Variants in AUTS2 observed in about 807,000 individuals in gnomAD.
AUTS2 encodes activator of transcription and developmental regulator AUTS2.
AUTS2 carries 17 observed loss-of-function variants against 112.4 expected under a neutral mutation model. The ratio of observed to expected loss-of-function variants is 0.15; its 90% CI spans 0.10 to 0.23. The LOEUF is 0.23. Ranked by LOEUF, AUTS2 falls within the 10% of genes least tolerant of loss-of-function variation. The pLI, the probability that AUTS2 is intolerant of heterozygous loss-of-function variation, is 1.00. For missense variants in AUTS2, 1,510 were observed against 1,701.6 expected, an observed-to-expected ratio of 0.89 and a Z score of 1.98; for synonymous variants, 751 against 702.7, an observed-to-expected ratio of 1.07 and a Z score of -1.09.
At chr7:69,989,445 C>T (rs1026636785) in intron 2 of AUTS2, among the ~76,000 whole-genome samples, 2 of 151,918 alleles carry the variant, frequency 1.3e-5, no homozygotes, top group Middle Eastern at 3.2e-3. Flanking sequence ...TTTTAGAGCA[C>T]CTATTAGAGA....
chr7:70,184,660 T>G (rs930242736), intron 4 of AUTS2, among the ~76,000 whole-genome samples: 1 of 152,218 alleles, frequency 6.6e-6, no homozygotes, highest in African/African-American at 2.4e-5. Flanking sequence ...TTTTTAGGCT[T>G]CTTCAGCTCT....
At chr7:70,784,758 AAAAAAAAAAAAAAAAC>A in intron 15 of AUTS2, 168 bp from the exon 16 acceptor site, 4 of 439,706 alleles carry the variant, frequency 9.1e-6, no homozygotes, top group East Asian at 5.0e-5. Flanking sequence ...AAAAAAAAAA[AAAAAAAAAAAAAAAAC>A]ACACATTTTC....
intron 11 of AUTS2, among the ~76,000 whole-genome samples, chr7:70,773,395 T>C (rs1790486091): frequency 6.6e-6 from 1 of 152,210 alleles, no homozygotes; most frequent in Non-Finnish European, 1.5e-5. Context: ...ATAAGGTTAA[T>C]ATTAGCAATA....
At chr7:70,091,663 T>C (rs1265421961) in intron 2 of AUTS2, among the ~76,000 whole-genome samples, 1 of 152,188 alleles carries the variant, frequency 6.6e-6, no homozygotes, top group African/African-American at 2.4e-5. Context: ...TTGGCTTTCC[T>C]ACCTCCTGAG....
chr7:70,703,925 G>A (rs1015370911), intron 6 of AUTS2, among the ~76,000 whole-genome samples: 5 of 152,168 alleles, frequency 3.3e-5, no homozygotes, highest in East Asian at 1.9e-4. Flanking sequence ...AAGAGACAAA[G>A]GAGTTATGAG....
chr7:70,491,476 T>TATATATGTTATATACACATA (rs1798232890), intron 5 of AUTS2, among the ~76,000 whole-genome samples: 1 of 147,944 alleles, frequency 6.8e-6, no homozygotes, highest in African/African-American at 2.5e-5. Flanking sequence ...ATACACATAA[T>TATATATGTTATATACACATA]ATATATGTTA....
chr7:70,649,000 A>T (rs1432412866), intron 5 of AUTS2, among the ~76,000 whole-genome samples: 1 of 152,238 alleles, frequency 6.6e-6, no homozygotes, highest in Non-Finnish European at 1.5e-5. Context: ...TAGAGAGTTT[A>T]GATCTGTTTT....
At chr7:70,545,238 G>A (rs1187927874) in intron 5 of AUTS2, among the ~76,000 whole-genome samples, 1 of 152,218 alleles carries the variant, frequency 6.6e-6, no homozygotes, top group Non-Finnish European at 1.5e-5. Flanking sequence ...CCAGACCAGA[G>A]CACAGGTCAA....
chr7:70,616,453 GGCTGATGCA>G (rs977685318), intron 5 of AUTS2, among the ~76,000 whole-genome samples: 1 of 152,164 alleles, frequency 6.6e-6, no homozygotes, highest in African/African-American at 2.4e-5. Flanking sequence ...CAGCTGACGG[GGCTGATGCA>G]GCTGCCCGGT....
chr7:70,167,385 C>G (rs1262914122), intron 4 of AUTS2, among the ~76,000 whole-genome samples: 1 of 151,966 alleles, frequency 6.6e-6, no homozygotes, highest in Non-Finnish European at 1.5e-5. Flanking sequence ...AGAAAAAGGC[C>G]TATGTACACA....
In AUTS2 at chr7:70,219,821, C is replaced by T. The variant is rs1036504906; in HGVS notation, c.660+85250C>T. Among the ~76,000 whole-genome samples the T allele has an allele frequency of 6.6e-5, 10 of 152,236 alleles. No individual in the cohort carries two copies. In the South Asian group the frequency reaches 1.2e-3, roughly 19 times the overall value. ...TCCTGACCTCTTGATCCACCCGCCT[C>T]GGCCTCCCAAAGTGCTGGGATTACA... On this transcript the variant is annotated intron_variant, in intron 4 of 18. Coordinates refer to ENST00000342771, the MANE Select transcript of AUTS2 (RefSeq NM_015570.4).
chr7:70,537,053 C>T (rs1800353417), intron 5 of AUTS2, among the ~76,000 whole-genome samples: 1 of 152,206 alleles, frequency 6.6e-6, no homozygotes, highest in Non-Finnish European at 1.5e-5. Context: ...CAGTTCAAAA[C>T]TTTAAGGCCG....
intron 1 of AUTS2, among the ~76,000 whole-genome samples, chr7:69,627,057 A>G (rs1043012156): frequency 6.6e-6 from 1 of 152,238 alleles, no homozygotes; most frequent in African/African-American, 2.4e-5. Context: ...AAGATGCCTA[A>G]TGGTAACATT....
intron 5 of AUTS2, among the ~76,000 whole-genome samples, chr7:70,461,830 C>G (rs987998620): frequency 2.0e-5 from 3 of 152,020 alleles, no homozygotes; most frequent in African/African-American, 7.2e-5. Flanking sequence ...TGGAGGTGGG[C>G]GTGGGTTGTC....
At chr7:69,687,477 G>A (rs760361745) in intron 1 of AUTS2, among the ~76,000 whole-genome samples, 3 of 152,138 alleles carry the variant, frequency 2.0e-5, no homozygotes. Context: ...TATTAATACA[G>A]GTTTTTAGGA....
chr7:70,359,228 A>G (rs1792145835), intron 4 of AUTS2, among the ~76,000 whole-genome samples: 1 of 152,182 alleles, frequency 6.6e-6, no homozygotes, highest in Non-Finnish European at 1.5e-5. Flanking sequence ...CCTTGCTAAC[A>G]TTTTTAAATA....
chr7:70,578,764 A>T (rs540327192), intron 5 of AUTS2, among the ~76,000 whole-genome samples: 54 of 152,230 alleles, frequency 3.5e-4, no homozygotes, highest in African/African-American at 1.3e-3. Context: ...GTTTTTTTTA[A>T]TTAAGACTGT....
intron 1 of AUTS2, among the ~76,000 whole-genome samples, chr7:69,699,915 G>A (rs1446935944): frequency 1.3e-5 from 2 of 152,186 alleles, no homozygotes; most frequent in Non-Finnish European, 2.9e-5. Flanking sequence ...AAAGTGCTGG[G>A]ATTACAGGCA....
At chr7:69,916,116 C>T (rs182900484) in intron 2 of AUTS2, among the ~76,000 whole-genome samples, 1 of 152,150 alleles carries the variant, frequency 6.6e-6, no homozygotes, top group Non-Finnish European at 1.5e-5. Flanking sequence ...AGAGCTGTTT[C>T]TAATTTACTA....
Sources: allele counts gnomAD v4.1 joint callset (sites outside exome capture counted in the v4.1 genomes callset), GRCh38; gene constraint gnomAD v4.1.1; transcripts MANE v1.5; gene names NCBI Gene and HGNC (gene_info 2026-07-23, HGNC 2026-07-21).